Variants in GTF3C4 observed in about 807,000 individuals in gnomAD.
GTF3C4 encodes general transcription factor 3C polypeptide 4.
GTF3C4 carries 28 observed loss-of-function variants against 67.5 expected under a neutral mutation model. The ratio of observed to expected loss-of-function variants is 0.41; its 90% CI spans 0.31 to 0.57. The LOEUF is 0.57. Ranked by LOEUF, GTF3C4 falls within the 20% of genes least tolerant of loss-of-function variation. The probability of loss-of-function intolerance (pLI) is 0.21; values close to 1 mark genes in which losing one functional copy is unlikely to be tolerated. For synonymous variants in GTF3C4, 409 were observed against 393.0 expected, an observed-to-expected ratio of 1.04 and a Z score of -0.48; for missense variants, 831 against 1,033.2, an observed-to-expected ratio of 0.80 and a Z score of 2.68.
chr9:132,683,663 C>T lies in GTF3C4; in HGVS notation c.2285C>T (p.Ala762Val). The change falls in exon 3 of 5, where the codon GCA (alanine) becomes GTA (valine). Residue 762 changes from alanine to valine, a missense_variant. Around this residue, in one of 4 missense-constraint regions of GTF3C4, gnomAD observed 129 missense variants for 213.8 expected, o/e 0.60. Coordinates refer to ENST00000372146, the MANE Select transcript of GTF3C4 (RefSeq NM_012204.4). ...TTGCCATTCACAGATCGCAAACAGG[C>T]AGTCTGTTCCAATGGCCACATTTGG... is the stretch of plus-strand genomic sequence containing the variant. The part of the protein sequence containing the change: ...EILPFTDRKQ[A>V]VCSNGHIWLR... The T allele has an allele frequency of 2.5e-6, 4 of 1,612,296 alleles. No individual in the cohort carries two copies. The highest frequency in any genetic ancestry group is 3.4e-6 in the Non-Finnish European group (4 of 1,179,564).
chr9:132,670,161 C>T (rs1835657551), upstream of GTF3C4: 1 of 1,594,048 alleles, frequency 6.3e-7, no homozygotes, highest in East Asian at 2.3e-5. Flanking sequence ...CTCTCTGCGT[C>T]CCTCGCGGCC....
rs549090401 is a variant in GTF3C4 at position 132,671,134 on chromosome 9, C to T, written c.357+179C>T. Among the ~76,000 whole-genome samples, 4 of 152,168 alleles carry T rather than the reference C, an allele frequency of 2.6e-5. No individual in the cohort carries two copies. In the East Asian group the frequency reaches 5.8e-4, roughly 22 times the overall value. On this transcript the variant is annotated intron_variant, in intron 1 of 4. Coordinates refer to ENST00000372146, the MANE Select transcript of GTF3C4 (RefSeq NM_012204.4). ...GCTTAAAAAAAAAAAAAGAAAAGCTCTGCAGCTGTCTGCACCCTGTTTCCC... is the reference window on the plus strand; with the variant it reads ...GCTTAAAAAAAAAAAAAGAAAAGCTTTGCAGCTGTCTGCACCCTGTTTCCC...
chr9:132,678,301 GC>G lies in GTF3C4; in HGVS notation c.686del (p.Pro229ArgfsTer67). ...CAGTTACAGGCTCTCTAAAAATGAG[GC>G]CCCGGAAGGAAATCTCGGGGATTTT... Reference protein sequence around the residue: ...ETSYRLSKNEAPEGNLGDFAE... With the variant: ...ETSYRLSKNEXPEGNLGDFAE... On this transcript the variant is annotated frameshift_variant, in exon 2 of 5. Coordinates refer to ENST00000372146, the MANE Select transcript of GTF3C4 (RefSeq NM_012204.4). LOFTEE classifies it high-confidence loss of function. This position sits in a 1 kb window ranked among gnomAD's most constrained non-coding sequence, Gnocchi z 6.5. 6.2e-7 allele frequency: 1 copy of G among 1,614,168 alleles called. No individual in the cohort carries two copies. The highest frequency in any genetic ancestry group is 8.5e-7 in the Non-Finnish European group (1 of 1,180,028).
upstream of GTF3C4, chr9:132,670,131 C>T: frequency 1.9e-6 from 3 of 1,586,090 alleles, no homozygotes; most frequent in Admixed American, 1.7e-5. Flanking sequence ...ACCGCGCGTG[C>T]CCCCGCCTGG....
rs200340279 is a variant in GTF3C4 at position 132,680,204 on chromosome 9, A to G, written c.2184+401A>G. ...GGTGTAGTGACATGTTTTCCATTTG[A>G]TAGAACTTAAGGATATCTTCAGATT... On this transcript the variant is annotated intron_variant, in intron 2 of 4. Coordinates refer to ENST00000372146, the MANE Select transcript of GTF3C4 (RefSeq NM_012204.4). 4.1e-4 allele frequency among the ~76,000 whole-genome samples: 63 copies of G among 152,314 alleles called. 4 individuals are homozygous for G. Among genetic ancestry groups the G allele is most frequent in the East Asian group, 3.9e-3 (20 of 5,192 alleles).
In GTF3C4 at chr9:132,678,646, C is replaced by A; in HGVS notation, c.1027C>A (p.Leu343Ile). Residue 343 changes from leucine (L) to isoleucine (I), a missense_variant, in exon 2 of 5, where the codon CTT becomes ATT. By Grantham distance (5) the Leu-to-Ile change is conservative. Coordinates refer to ENST00000372146, the MANE Select transcript of GTF3C4 (RefSeq NM_012204.4). This position sits in a 1 kb window ranked among gnomAD's most constrained non-coding sequence, Gnocchi z 6.5. ...VGSAFGPIKILPVNLKAVKGY... is the reference protein window; with the variant it reads ...VGSAFGPIKIIPVNLKAVKGY... ...GAGTGCTTTTGGACCCATAAAAATT[C>A]TTCCTGTCAATCTCAAAGCAGTCAA... The A allele has an allele frequency of 6.2e-7, 1 of 1,614,028 alleles. No homozygotes were observed. Among genetic ancestry groups the A allele is most frequent in the Non-Finnish European group, 8.5e-7 (1 of 1,179,970 alleles).
At chr9:132,676,996 G>C (rs1226240642) in intron 1 of GTF3C4, among the ~76,000 whole-genome samples, 1 of 152,060 alleles carries the variant, frequency 6.6e-6, no homozygotes, top group African/African-American at 2.4e-5. Context: ...ACATCTTTTG[G>C]CTAGTCTCTG....
rs760291993 is a variant in GTF3C4 at position 132,679,521 on chromosome 9, A to C, written c.1902A>C (p.Gln634His). ...CTTCTTCCAAACAGGTGGTGAAGCA[A>C]GGCCTGCAGGAGAGGAGCAAGGAAG... ...EGTSSKQVVK[Q>H]GLQERSKEGD... Residue 634 changes from glutamine to histidine, a missense_variant, in exon 2 of 5, where the codon CAA becomes CAC. By Grantham distance (24) the Gln-to-His change is conservative. Around this residue, in one of 4 missense-constraint regions of GTF3C4, gnomAD observed 75 missense variants for 66.4 expected, o/e 1.13. Coordinates refer to ENST00000372146, the MANE Select transcript of GTF3C4 (RefSeq NM_012204.4). This position sits in a 1 kb window ranked among gnomAD's most constrained non-coding sequence, Gnocchi z 5.9. 2 of 1,614,208 alleles carry C rather than the reference A, an allele frequency of 1.2e-6. No homozygotes were observed. Among genetic ancestry groups the C allele is most frequent in the South Asian group, 2.2e-5 (2 of 91,080 alleles).
chr9:132,685,518 T>C (rs1489744804), intron 3 of GTF3C4, among the ~76,000 whole-genome samples: 5 of 151,788 alleles, frequency 3.3e-5, no homozygotes, highest in Admixed American at 1.3e-4. Flanking sequence ...TCCTACACTT[T>C]TTTTTTTTTT....
At position 132,679,630 on chromosome 9, in the gene GTF3C4, G is replaced by A. The variant is rs368435345; in HGVS notation, c.2011G>A (p.Glu671Lys). 1.2e-6 allele frequency: 2 copies of A among 1,614,060 alleles called. No homozygotes were observed. Among genetic ancestry groups the A allele is most frequent in the African/African-American group, 1.3e-5 (1 of 74,908 alleles). Reference sequence around the variant, plus strand: ...TGAGCCAATGGAAGAGAAACTCCTGGAAATCCAAGGGAAAATCGAAGCTGT... The same window carrying A: ...TGAGCCAATGGAAGAGAAACTCCTGAAAATCCAAGGGAAAATCGAAGCTGT... ...GREPMEEKLL[E>K]IQGKIEAVEM... is the part of the protein sequence containing the mutation. The change falls in exon 2 of 5, where the codon GAA becomes AAA. Residue 671 changes from glutamate (E) to lysine (K), a missense_variant. Glu to Lys is a moderately conservative substitution (Grantham distance 56). Around this residue, in one of 4 missense-constraint regions of GTF3C4, gnomAD observed 129 missense variants for 213.8 expected, o/e 0.60. Coordinates refer to ENST00000372146, the MANE Select transcript of GTF3C4 (RefSeq NM_012204.4). This position sits in a 1 kb window ranked among gnomAD's most constrained non-coding sequence, Gnocchi z 5.9.
chr9:132,685,409 A>G (rs1234477968), intron 3 of GTF3C4, among the ~76,000 whole-genome samples: 2 of 152,204 alleles, frequency 1.3e-5, no homozygotes, highest in African/African-American at 4.8e-5. Context: ...CATCACTACA[A>G]AGATAACATT....
intron 1 of GTF3C4, among the ~76,000 whole-genome samples, chr9:132,677,204 C>G (rs1835875158): frequency 6.6e-6 from 1 of 152,126 alleles, no homozygotes; most frequent in Non-Finnish European, 1.5e-5. Flanking sequence ...GAGTTCAAGA[C>G]CAGCCTGACC....
Position 132,678,722 on chromosome 9 carries a change from A to G in GTF3C4, c.1103A>G (p.Gln368Arg), listed in dbSNP as rs1835899133. ...GTTATCTTGTGGAAAGAAATGGACC[A>G]GTTACCTGTGCACAGTATCAAATGT... ...QPVILWKEMD[Q>R]LPVHSIKCVP... Residue 368 changes from glutamine to arginine, a missense_variant, in exon 2 of 5, where the codon CAG becomes CGG. Gln to Arg is a conservative substitution (Grantham distance 43, BLOSUM62 1). Coordinates refer to ENST00000372146, the MANE Select transcript of GTF3C4 (RefSeq NM_012204.4). This position sits in a 1 kb window ranked among gnomAD's most constrained non-coding sequence, Gnocchi z 6.5. The G allele has an allele frequency of 6.2e-7, 1 of 1,614,174 alleles. No homozygotes were observed. Among genetic ancestry groups the G allele is most frequent in the Non-Finnish European group, 8.5e-7 (1 of 1,179,988 alleles).
Position 132,679,529 on chromosome 9 carries a change from A to G in GTF3C4, c.1910A>G (p.Gln637Arg), listed in dbSNP as rs143136226. Reference protein sequence around the residue: ...SSKQVVKQGLQERSKEGDVEE... With the variant: ...SSKQVVKQGLRERSKEGDVEE... ...AAACAGGTGGTGAAGCAAGGCCTGC[A>G]GGAGAGGAGCAAGGAAGGAGATGTA... The change falls in exon 2 of 5, where the codon CAG becomes CGG. Residue 637 changes from glutamine to arginine, a missense_variant. Gln to Arg is a conservative substitution (Grantham distance 43). Coordinates refer to ENST00000372146, the MANE Select transcript of GTF3C4 (RefSeq NM_012204.4). The surrounding 1 kb of genome is among the most constrained non-coding windows in gnomAD (Gnocchi z 5.9). 1.2e-6 allele frequency: 2 copies of G among 1,614,186 alleles called. No homozygotes were observed. The highest frequency in any genetic ancestry group is 4.5e-5 in the East Asian group (2 of 44,870).
chr9:132,689,736 A>T lies in GTF3C4; in HGVS notation c.*791A>T, dbSNP rs368769381. Reference sequence around the variant, plus strand: ...TTCAGACTTAACTGTGGTAGCCTAGATGAGCTATTTGTACACAGAGGAAAA... The same window carrying T: ...TTCAGACTTAACTGTGGTAGCCTAGTTGAGCTATTTGTACACAGAGGAAAA... On this transcript the variant is annotated 3_prime_UTR_variant, in exon 5 of 5. Coordinates refer to ENST00000372146, the MANE Select transcript of GTF3C4 (RefSeq NM_012204.4). 1 of 152,284 alleles carries T rather than the reference A, an allele frequency of 6.6e-6. No homozygotes were observed. The highest frequency in any genetic ancestry group is 2.4e-5 in the African/African-American group (1 of 41,534). The allele number at this position is 152,284 out of a possible 1,614,324, so 9.4% of individuals were successfully genotyped here.
In GTF3C4 at chr9:132,679,694, TAGG is replaced by T; in HGVS notation, c.2078_2080del (p.Gly693del). On this transcript the variant is annotated inframe_deletion, in exon 2 of 5. Transcript: ENST00000372146. This position sits in a 1 kb window ranked among gnomAD's most constrained non-coding sequence, Gnocchi z 5.9. ...ACCAGGGAACACATGAAGCGAGTCT[TAGG>T]AGAAGTGTATCTGCACACCTGGATC... 2 of 1,614,132 alleles carry T rather than the reference TAGG, an allele frequency of 1.2e-6. No homozygotes were observed. The highest frequency in any genetic ancestry group is 1.7e-6 in the Non-Finnish European group (2 of 1,180,016).
chr9:132,686,654 C>A lies in GTF3C4; in HGVS notation c.2316-585C>A, dbSNP rs150875806. 4.2e-4 allele frequency among the ~76,000 whole-genome samples: 64 copies of A among 152,316 alleles called. No homozygotes were observed. In the East Asian group the frequency reaches 8.7e-3, roughly 21 times the overall value. On this transcript the variant is annotated intron_variant, in intron 3 of 4. Coordinates refer to ENST00000372146, the MANE Select transcript of GTF3C4 (RefSeq NM_012204.4). ...CTGTGAACATTTGTTAGTGTCCTGT[C>A]ATTTTTTTGCACCATTAATTTTGCC...
intron 4 of GTF3C4, among the ~76,000 whole-genome samples, chr9:132,688,507 A>G (rs1836063800): frequency 6.6e-6 from 1 of 152,212 alleles, no homozygotes; most frequent in African/African-American, 2.4e-5. Flanking sequence ...AGGGCATAGC[A>G]TTTTTTAAAA....
chr9:132,686,034 C>T (rs1291995975), intron 3 of GTF3C4, among the ~76,000 whole-genome samples: 1 of 152,206 alleles, frequency 6.6e-6, no homozygotes, highest in East Asian at 1.9e-4. Context: ...TTCATTGAGC[C>T]TTTACCAGGG....
Sources: gnomAD v4.1 joint callset for allele counts (sites outside exome capture counted in the v4.1 genomes callset) on GRCh38, gnomAD v4.1.1 for gene constraint, gnomAD v4.1.1 regional missense constraint, Gnocchi (gnomAD v3.1) non-coding constraint, MANE v1.5 for transcripts, NCBI Gene and HGNC (gene_info 2026-07-23, HGNC 2026-07-21) for gene names.